GVQW3: variants seen among roughly 807,000 people sequenced by gnomAD.
GVQW3 encodes GVQW motif containing 3, also known as protein GVQW3.
Under a neutral mutation model 12.5 loss-of-function variants are expected in GVQW3, and 7 were observed. The observed-to-expected ratio is 0.56, with a 90% CI of 0.32 to 1.05. The LOEUF is 1.05. Among genes scored for constraint, GVQW3 ranks in the 50% least tolerant of loss-of-function variants. The pLI, the probability that GVQW3 is intolerant of heterozygous loss-of-function variation, is 0.04. For missense variants in GVQW3, 188 were observed against 190.8 expected, an observed-to-expected ratio of 0.99 and a Z score of 0.09; for synonymous variants, 71 against 67.2, an observed-to-expected ratio of 1.06 and a Z score of -0.28.
rs573715276 is a variant in GVQW3 at position 76,393,112 on chromosome 11, A to G, written c.466-10548A>G. Among the ~76,000 whole-genome samples the G allele has an allele frequency of 1.2e-4, 18 of 152,398 alleles. No individual in the cohort carries two copies. In the East Asian group the frequency reaches 1.7e-3, roughly 15 times the overall value. On this transcript the variant is annotated intron_variant, in intron 1 of 1. Transcript: ENST00000529331. ...TGGTAACATATATTTCAAACATGAAAACAAGAAGCCCAAGGAAAAGGGAAG... is the reference window on the plus strand; with the variant it reads ...TGGTAACATATATTTCAAACATGAAGACAAGAAGCCCAAGGAAAAGGGAAG...
intron 1 of GVQW3, among the ~76,000 whole-genome samples, chr11:76,393,702 C>T (rs1464825810): frequency 1.3e-5 from 2 of 151,914 alleles, no homozygotes; most frequent in Non-Finnish European, 2.9e-5. Flanking sequence ...GTAAAATGCA[C>T]ATTCTTTAAT....
intron 1 of GVQW3, among the ~76,000 whole-genome samples, chr11:76,394,266 T>C (rs896117719): frequency 1.3e-5 from 2 of 152,182 alleles, no homozygotes; most frequent in Non-Finnish European, 2.9e-5. Context: ...CTATCAAATA[T>C]TAGATCTTGT....
At chr11:76,389,834 T>C (rs945711100) in intron 1 of GVQW3, 5 of 152,230 alleles carry the variant, frequency 3.3e-5, no homozygotes, top group African/African-American at 1.2e-4. Context: ...CCTCCCATAC[T>C]GGGACACTCA....
Position 76,381,975 on chromosome 11 carries a change from G to T in GVQW3, c.147G>T (p.Arg49Ser), listed in dbSNP as rs559181109. The T allele has an allele frequency of 6.5e-7, 1 of 1,536,400 alleles. No individual in the cohort carries two copies. The highest frequency in any genetic ancestry group is 2.0e-5 in the Admixed American group (1 of 51,004). Residue 49 changes from arginine (R) to serine (S), a missense_variant, in exon 1 of 2, where the codon AGG becomes AGT. Physicochemically the swap from Arg to Ser is moderately radical, Grantham distance 110 (BLOSUM62 -1). Transcript: ENST00000529331. ...SRARVFDWHK[R>S]FKEGREDVRD... ...CCAGAGTTTTTGACTGGCACAAAAGGTTTAAAGAAGGACGGGAAGATGTTC... is the reference window on the plus strand; with the variant it reads ...CCAGAGTTTTTGACTGGCACAAAAGTTTTAAAGAAGGACGGGAAGATGTTC...
chr11:76,413,050 T>C (rs1365704160), downstream of GVQW3: 1 of 152,210 alleles, frequency 6.6e-6, no homozygotes, highest in East Asian at 1.9e-4. Flanking sequence ...TTTTTTATTG[T>C]GCAAATAATA....
downstream of GVQW3, chr11:76,411,004 T>C (rs373108161): frequency 7.9e-5 from 12 of 152,348 alleles, no homozygotes; most frequent in African/African-American, 2.9e-4. Flanking sequence ...ATTAAAGACA[T>C]GTCTATGCAA....
chr11:76,386,751 G>A (rs1337247825), intron 1 of GVQW3, among the ~76,000 whole-genome samples: 1 of 152,112 alleles, frequency 6.6e-6, no homozygotes, highest in Admixed American at 6.5e-5. Context: ...GATTTTACCA[G>A]GCGTTTATAT....
At position 76,398,099 on chromosome 11, in the gene GVQW3, C is replaced by T. The variant is rs1195682099; in HGVS notation, c.466-5561C>T. Reference sequence around the variant, plus strand: ...GTAGTGAGCCAAGATGGCACCACTGCACTCTAGCCTGGGTAATAGACTGAG... The same window carrying T: ...GTAGTGAGCCAAGATGGCACCACTGTACTCTAGCCTGGGTAATAGACTGAG... On this transcript the variant is annotated intron_variant, in intron 1 of 1. Transcript: ENST00000529331. Among the ~76,000 whole-genome samples, 4 of 145,334 alleles carry T rather than the reference C, an allele frequency of 2.8e-5. No individual in the cohort carries two copies. In the East Asian group the frequency reaches 6.2e-4, roughly 23 times the overall value.
intron 1 of GVQW3, among the ~76,000 whole-genome samples, chr11:76,396,854 A>G (rs893478652): frequency 2.8e-4 from 43 of 152,082 alleles, no homozygotes; most frequent in Admixed American, 2.8e-3. Context: ...GCAACCACTC[A>G]TATACTTTCT....
chr11:76,403,702 T>G lies in GVQW3; in HGVS notation c.508T>G (p.Leu170Val), dbSNP rs1355687762. The change falls in exon 2 of 2, where the codon TTG becomes GTG. Residue 170 changes from leucine (L) to valine (V), a missense_variant. Coordinates refer to ENST00000529331, the MANE Select transcript of GVQW3 (RefSeq NM_001347885.2). ...GTTGCCCAGGCTGGTCTCGAACTCC[T>G]TGTCTCAAGGGATCCTCCCACCTTG... ...TMLPRLVSNS[L>V]SQGILPPWPP... is the part of the protein sequence containing the mutation. The G allele has an allele frequency of 2.1e-6, 1 of 483,492 alleles. No homozygotes were observed. Among genetic ancestry groups the G allele is most frequent in the Non-Finnish European group, 3.7e-6 (1 of 270,096 alleles). 30.0% of individuals were successfully genotyped at this position (483,492 alleles called of 1,614,324 possible). A position where few individuals can be genotyped will look rare whatever the true frequency, so the allele number is the denominator to read the frequency against.
At chr11:76,391,871 T>G (rs1022963031) in intron 1 of GVQW3, among the ~76,000 whole-genome samples, 1 of 152,208 alleles carries the variant, frequency 6.6e-6, no homozygotes, top group African/African-American at 2.4e-5. Context: ...GGAGAATCAC[T>G]TGGACCTGGG....
exon 2 of GVQW3, chr11:76,413,251 T>C (rs1947093777): frequency 6.6e-6 from 1 of 152,184 alleles, no homozygotes; most frequent in Non-Finnish European, 1.5e-5. Flanking sequence ...AGGCTACTTA[T>C]TGCCAGCCCC....
Position 76,403,687 on chromosome 11 carries a change from C to T in GVQW3, c.493C>T (p.Leu165=), listed in dbSNP as rs558858325. ...ACGGAACCTCACTATGTTGCCCAGGCTGGTCTCGAACTCCTTGTCTCAAGG... is the reference window on the plus strand; with the variant it reads ...ACGGAACCTCACTATGTTGCCCAGGTTGGTCTCGAACTCCTTGTCTCAAGG... ...KRRNLTMLPR[L]VSNSLSQGIL... Residue 165 remains leucine, a synonymous_variant, in exon 2 of 2, where the codon CTG becomes TTG. Coordinates refer to ENST00000529331, the MANE Select transcript of GVQW3 (RefSeq NM_001347885.2). The T allele has an allele frequency of 4.3e-4, 203 of 476,872 alleles. No homozygotes were observed. Among genetic ancestry groups the T allele is most frequent in the Non-Finnish European group, 7.3e-4 (196 of 267,130 alleles). 29.5% of individuals were successfully genotyped at this position (476,872 alleles called of 1,614,324 possible). A position where few individuals can be genotyped will look rare whatever the true frequency, so the allele number is the denominator to read the frequency against.
At chr11:76,382,404 GTCA>G in intron 1 of GVQW3, 111 bp downstream of exon 1, 1 of 755,962 alleles carries the variant, frequency 1.3e-6, no homozygotes, top group Non-Finnish European at 2.3e-6. Context: ...TTCTGCAGGC[GTCA>G]TCTTCAACAA....
downstream of GVQW3, among the ~76,000 whole-genome samples, chr11:76,410,011 C>A (rs1458856477): frequency 6.6e-6 from 1 of 152,116 alleles, no homozygotes; most frequent in Non-Finnish European, 1.5e-5. Flanking sequence ...AATTCCAGCA[C>A]TTTGGGAGGC....
intron 1 of GVQW3, among the ~76,000 whole-genome samples, chr11:76,399,033 C>T (rs552422008): frequency 6.6e-6 from 1 of 152,310 alleles, no homozygotes; most frequent in Non-Finnish European, 1.5e-5. Context: ...TCCCTTGTCA[C>T]TGCAGACTTT....
At chr11:76,393,685 C>A (rs1001843956) in intron 1 of GVQW3, among the ~76,000 whole-genome samples, 2 of 152,066 alleles carry the variant, frequency 1.3e-5, no homozygotes, top group African/African-American at 4.8e-5. Flanking sequence ...CCCTCCCCTA[C>A]CACCATGTAA....
Position 76,406,536 on chromosome 11 carries a change from C to T in GVQW3, c.*2778C>T, listed in dbSNP as rs1308072729. On this transcript the variant is annotated 3_prime_UTR_variant, in exon 2 of 2. Transcript: ENST00000529331. ...ATTGCACCTCATTTCTGACCCCAAA[C>T]CCAGCTGCAGCTTCTCATCTCACGA... The T allele has an allele frequency of 2.0e-5, 3 of 152,212 alleles. No individual in the cohort carries two copies. The highest frequency in any genetic ancestry group is 4.8e-5 in the African/African-American group (2 of 41,444). 9.4% of individuals were successfully genotyped at this position (152,212 alleles called of 1,614,324 possible).
intron 1 of GVQW3, among the ~76,000 whole-genome samples, chr11:76,397,129 G>A (rs1165947230): frequency 5.4e-5 from 8 of 148,526 alleles, no homozygotes; most frequent in African/African-American, 9.9e-5. Flanking sequence ...TTAGCCTCCC[G>A]AGTAGCTGGG....
Sources: allele counts gnomAD v4.1 joint callset (sites outside exome capture counted in the v4.1 genomes callset), GRCh38; gene constraint gnomAD v4.1.1; transcripts MANE v1.5; gene names NCBI Gene and HGNC (gene_info 2026-07-23, HGNC 2026-07-21).